Variants in MRTFB observed in about 807,000 individuals in gnomAD.
MRTFB encodes myocardin related transcription factor B.
In MRTFB, 29 loss-of-function variants were observed where a neutral mutation model predicts 104.2. That is an observed-to-expected ratio of 0.28 (90% CI 0.21 to 0.38). The LOEUF is 0.38. Among genes scored for constraint, MRTFB ranks in the 10% least tolerant of loss-of-function variants. The pLI is 1.00. For synonymous variants in MRTFB, 535 were observed against 519.5 expected, an observed-to-expected ratio of 1.03 and a Z score of -0.41; for missense variants, 1,270 against 1,341.6, an observed-to-expected ratio of 0.95 and a Z score of 0.83.
chr16:14,183,118 C>T (rs79647639), intron 3 of MRTFB, among the ~76,000 whole-genome samples: 4,995 of 152,182 alleles, frequency 0.033, 131 homozygotes, highest in Non-Finnish European at 0.047. Flanking sequence ...ACCAAGGTGT[C>T]AAAATATACA....
intron 3 of MRTFB, among the ~76,000 whole-genome samples, chr16:14,197,673 T>G (rs2040500711): frequency 6.6e-6 from 1 of 152,182 alleles, no homozygotes; most frequent in Non-Finnish European, 1.5e-5. Flanking sequence ...GTAAGCATTG[T>G]GGAAGGTGCT....
At chr16:14,079,832 C>T (rs2034289377) in intron 2 of MRTFB, among the ~76,000 whole-genome samples, 1 of 151,482 alleles carries the variant, frequency 6.6e-6, no homozygotes. Context: ...CAACTTCTAC[C>T]ACCAAGAAAT....
chr16:14,155,116 C>A (rs2038780867), intron 3 of MRTFB, among the ~76,000 whole-genome samples: 1 of 152,064 alleles, frequency 6.6e-6, no homozygotes, highest in Non-Finnish European at 1.5e-5. Flanking sequence ...CTTATGTGTT[C>A]TGTCTCACTT....
chr16:14,217,783 TTCTG>T (rs1395723653), intron 7 of MRTFB, among the ~76,000 whole-genome samples: 1 of 152,248 alleles, frequency 6.6e-6, no homozygotes, highest in East Asian at 1.9e-4. Context: ...AACTTTTTAT[TTCTG>T]TCTACTTCTA....
the MRTFB span, among the ~76,000 whole-genome samples, chr16:14,047,221 A>C: frequency 6.6e-6 from 1 of 152,252 alleles, no homozygotes; most frequent in Non-Finnish European, 1.5e-5. Context: ...CCAGGGCTTT[A>C]TCTTTCTCTC....
chr16:14,179,456 T>C (rs1287803090), intron 3 of MRTFB, among the ~76,000 whole-genome samples: 1 of 152,224 alleles, frequency 6.6e-6, no homozygotes, highest in Non-Finnish European at 1.5e-5. Flanking sequence ...GATTTTTTTT[T>C]CCAGGTTAAC....
chr16:14,081,544 C>T (rs573194585), intron 2 of MRTFB, among the ~76,000 whole-genome samples: 10 of 152,246 alleles, frequency 6.6e-5, no homozygotes, highest in East Asian at 1.9e-4. Context: ...CCACCCGCCT[C>T]GGCCTCCCAA....
At chr16:14,036,349 A>G in the MRTFB span, among the ~76,000 whole-genome samples, 3 of 125,552 alleles carry the variant, frequency 2.4e-5, no homozygotes, top group African/African-American at 5.6e-5. Flanking sequence ...GGGCAGTTCC[A>G]TCTGGGTGTC....
At chr16:14,213,156 C>T (rs749382589) in intron 5 of MRTFB, among the ~76,000 whole-genome samples, 2 of 152,026 alleles carry the variant, frequency 1.3e-5, no homozygotes, top group African/African-American at 4.8e-5. Flanking sequence ...CCAAAGAAAA[C>T]ACATTAAGAT....
chr16:14,188,806 C>T (rs896891644), intron 3 of MRTFB, among the ~76,000 whole-genome samples: 4 of 152,228 alleles, frequency 2.6e-5, no homozygotes, highest in Middle Eastern at 6.8e-3. Flanking sequence ...TCTCATCTCT[C>T]TTCTTGCTTT....
the MRTFB span, among the ~76,000 whole-genome samples, chr16:14,031,673 A>G: frequency 6.6e-6 from 1 of 152,188 alleles, no homozygotes; most frequent in Non-Finnish European, 1.5e-5. Context: ...TTCCTAAGTG[A>G]TAGGAGCAAA....
chr16:14,095,848 CAGAATA>C (rs1296564722), intron 2 of MRTFB, among the ~76,000 whole-genome samples: 10 of 152,214 alleles, frequency 6.6e-5, no homozygotes, highest in Middle Eastern at 3.4e-3. Context: ...GCTTCTCTAT[CAGAATA>C]AGAATATTTA....
chr16:14,109,075 A>T (rs902863095), intron 2 of MRTFB, among the ~76,000 whole-genome samples: 1 of 152,224 alleles, frequency 6.6e-6, no homozygotes, highest in Non-Finnish European at 1.5e-5. Flanking sequence ...TAAAGGATTT[A>T]AGGCTTACCT....
intron 10 of MRTFB, among the ~76,000 whole-genome samples, chr16:14,242,909 AG>A (rs2042837393): frequency 6.6e-6 from 1 of 152,160 alleles, no homozygotes; most frequent in South Asian, 2.1e-4. Context: ...TTCATTTTCA[AG>A]GGGGTAATAC....
intron 3 of MRTFB, among the ~76,000 whole-genome samples, chr16:14,195,335 A>G (rs1464879518): frequency 2.0e-5 from 3 of 152,216 alleles, no homozygotes. Flanking sequence ...CGTCTGGATC[A>G]TCTCACACAG....
At chr16:14,123,103 C>G (rs971831674) in intron 2 of MRTFB, among the ~76,000 whole-genome samples, 1 of 152,160 alleles carries the variant, frequency 6.6e-6, no homozygotes, top group Non-Finnish European at 1.5e-5. Flanking sequence ...TGAGAAGTGT[C>G]GGTTCACACC....
chr16:14,121,901 G>T (rs2036863490), intron 2 of MRTFB, among the ~76,000 whole-genome samples: 1 of 152,184 alleles, frequency 6.6e-6, no homozygotes, highest in Non-Finnish European at 1.5e-5. Flanking sequence ...AATTGTAATT[G>T]ATTTATATTT....
At chr16:14,197,276 TGC>T (rs2040482330) in intron 3 of MRTFB, among the ~76,000 whole-genome samples, 1 of 152,192 alleles carries the variant, frequency 6.6e-6, no homozygotes, top group African/African-American at 2.4e-5. Flanking sequence ...GCCTGGCCAG[TGC>T]TTTCTCTTCT....
chr16:14,142,652 A>G (rs1392321170), intron 3 of MRTFB: 1 of 152,220 alleles, frequency 6.6e-6, no homozygotes, highest in Non-Finnish European at 1.5e-5. Flanking sequence ...TTTACACAGT[A>G]CACTTGGACC....
Sources: allele counts gnomAD v4.1 joint callset (sites outside exome capture counted in the v4.1 genomes callset), GRCh38; gene constraint gnomAD v4.1.1; transcripts MANE v1.5; gene names NCBI Gene and HGNC (gene_info 2026-07-23, HGNC 2026-07-21).